Variants in EXT1 observed in about 807,000 individuals in gnomAD.
EXT1 encodes exostosin glycosyltransferase 1, also known as exostosin-1.
EXT1 carries 20 observed loss-of-function variants against 82.5 expected under a neutral mutation model. That is an observed-to-expected ratio of 0.24 (90% CI 0.17 to 0.35). The LOEUF is 0.35. Ranked by LOEUF, EXT1 falls within the 10% of genes least tolerant of loss-of-function variation. The pLI is 1.00. For synonymous variants in EXT1, 348 were observed against 350.8 expected (o/e 0.99, Z 0.09); for missense variants, 757 against 936.5 (o/e 0.81, Z 2.50).
At chr8:118,031,050 G>A (rs1474397054) in intron 1 of EXT1, among the ~76,000 whole-genome samples, 1 of 152,116 alleles carries the variant, frequency 6.6e-6, no homozygotes, top group African/African-American at 2.4e-5. Context: ...GGTCCCATGT[G>A]TACCCTAGTT....
At chr8:117,965,991 T>TACACACACACACACACACACACACAC (rs1176965487) in intron 1 of EXT1, among the ~76,000 whole-genome samples, 11 of 124,572 alleles carry the variant, frequency 8.8e-5, no homozygotes, top group African/African-American at 5.0e-4. Context: ...CATACATGCA[T>TACACACACACACACACACACACACAC]ATACACACAC....
chr8:117,936,099 G>T (rs1315475413), intron 1 of EXT1, among the ~76,000 whole-genome samples: 1 of 152,192 alleles, frequency 6.6e-6, no homozygotes, highest in African/African-American at 2.4e-5. Flanking sequence ...GTAGAATGGC[G>T]ATCTGACTTG....
rs989045352 is a variant in EXT1 at position 118,111,690 on chromosome 8, C to G, written c.-644G>C. On this transcript the variant is annotated 5_prime_UTR_variant, in exon 1 of 11. Coordinates refer to ENST00000378204, the MANE Select transcript of EXT1 (RefSeq NM_000127.3). ...CCGGCCCCCGGGACGCGCGGCGGCC[C>G]GGCTGGAGGCGGCGGCGGCGGCGGC... The G allele has an allele frequency of 1.4e-5, 3 of 217,976 alleles. No homozygotes were observed. Among genetic ancestry groups the G allele is most frequent in the Admixed American group, 1.2e-4 (2 of 16,558 alleles). 13.5% of individuals were successfully genotyped at this position (217,976 alleles called of 1,614,324 possible).
chr8:118,072,445 T>G (rs1032623579), intron 1 of EXT1, among the ~76,000 whole-genome samples: 1 of 152,228 alleles, frequency 6.6e-6, no homozygotes, highest in Non-Finnish European at 1.5e-5. Context: ...TGCCTTACAT[T>G]GTTGCCTAAT....
At chr8:117,963,693 T>C (rs1450950488) in intron 1 of EXT1, among the ~76,000 whole-genome samples, 1 of 152,090 alleles carries the variant, frequency 6.6e-6, no homozygotes, top group Non-Finnish European at 1.5e-5. Flanking sequence ...TTTCACCATG[T>C]TGGCAAGGCT....
At chr8:117,861,613 G>T (rs1425137595) in intron 1 of EXT1, among the ~76,000 whole-genome samples, 1 of 132,860 alleles carries the variant, frequency 7.5e-6, no homozygotes, top group African/African-American at 2.6e-5. Context: ...TTGCACCTCA[G>T]CCTCCTGAGT....
rs538199953 is a variant in EXT1 at position 117,837,163 on chromosome 8, C to A, written c.1001G>T (p.Cys334Phe). The A allele has an allele frequency of 1.2e-6, 2 of 1,614,028 alleles. No homozygotes were observed. Among genetic ancestry groups the A allele is most frequent in the Non-Finnish European group, 1.7e-6 (2 of 1,179,954 alleles). ...YREMLHNATF[C>F]LVPRGRRLGS... ...AAGCCTGCGACCACGAGGAACCAGA[C>A]AGAAAGTGGCATTGTGCAGCATTTC... Residue 334 changes from cysteine (C) to phenylalanine (F), a missense_variant, in exon 2 of 11, where the codon TGT becomes TTT. Transcript: ENST00000378204.
intron 1 of EXT1, among the ~76,000 whole-genome samples, chr8:117,841,337 A>T (rs750964960): frequency 1.0e-3 from 155 of 152,294 alleles, no homozygotes; most frequent in Non-Finnish European, 1.8e-3. Flanking sequence ...TCCTTTCTAT[A>T]TGACATTCAT....
chr8:117,941,195 A>C (rs1814265737), intron 1 of EXT1, among the ~76,000 whole-genome samples: 1 of 152,200 alleles, frequency 6.6e-6, no homozygotes, highest in Non-Finnish European at 1.5e-5. Flanking sequence ...CAGCAACCAA[A>C]GTAGGGAGAT....
intron 1 of EXT1, among the ~76,000 whole-genome samples, chr8:117,902,392 T>C (rs936097101): frequency 1.3e-5 from 2 of 152,238 alleles, no homozygotes; most frequent in East Asian, 1.9e-4. Flanking sequence ...GTATGTGCTA[T>C]ACTTTCATAA....
chr8:117,994,330 A>G (rs1418117570), intron 1 of EXT1, among the ~76,000 whole-genome samples: 1 of 152,200 alleles, frequency 6.6e-6, no homozygotes, highest in Non-Finnish European at 1.5e-5. Context: ...GACTTGGATC[A>G]GCTGGGCACA....
intron 1 of EXT1, among the ~76,000 whole-genome samples, chr8:117,972,406 TA>T (rs1383046138): frequency 1.3e-5 from 2 of 152,162 alleles, no homozygotes; most frequent in African/African-American, 4.8e-5. Context: ...AAGTGATAGA[TA>T]GACACAGGAA....
At chr8:118,037,831 T>G (rs1053041772) in intron 1 of EXT1, among the ~76,000 whole-genome samples, 3 of 147,576 alleles carry the variant, frequency 2.0e-5, no homozygotes, top group Admixed American at 6.6e-5. Flanking sequence ...ACAAGAGTGT[T>G]TTTTGTTTTT....
At chr8:117,960,677 CA>C (rs1814681046) in intron 1 of EXT1, among the ~76,000 whole-genome samples, 1 of 152,148 alleles carries the variant, frequency 6.6e-6, no homozygotes, top group Non-Finnish European at 1.5e-5. Context: ...AGTTTAATTA[CA>C]ATTTGGTTCT....
intron 1 of EXT1, among the ~76,000 whole-genome samples, chr8:117,949,648 A>C (rs917687313): frequency 6.6e-6 from 1 of 151,946 alleles, no homozygotes; most frequent in African/African-American, 2.4e-5. Context: ...TATTTCATAC[A>C]TAAGTAATAA....
chr8:117,895,475 C>T (rs1813318761), intron 1 of EXT1, among the ~76,000 whole-genome samples: 1 of 152,074 alleles, frequency 6.6e-6, no homozygotes, highest in Non-Finnish European at 1.5e-5. Flanking sequence ...CCACTCACAG[C>T]CAGAACCCTA....
Position 117,830,283 on chromosome 8 carries a change from A to G in EXT1, c.1231T>C (p.Leu411=), listed in dbSNP as rs1241419746. Residue 411 remains leucine, a synonymous_variant, in exon 4 of 11, where the codon TTG becomes CTG. Transcript: ENST00000378204. ...ACTGAAGAAAAATAAGCCTCCCACA[A>G]GAATTGTGTCTGCTGTCTAAGTGCT... ...ILALRQQTQF[L]WEAYFSSVEK... 1.7e-5 allele frequency: 27 copies of G among 1,614,008 alleles called. No individual in the cohort carries two copies. Among genetic ancestry groups the G allele is most frequent in the Non-Finnish European group, 2.3e-5 (27 of 1,180,014 alleles).
intron 1 of EXT1, among the ~76,000 whole-genome samples, chr8:117,935,004 T>G (rs1436188885): frequency 2.0e-5 from 3 of 152,200 alleles, no homozygotes; most frequent in Non-Finnish European, 4.4e-5. Flanking sequence ...AAAGAAAGCA[T>G]GTGAGCTTTC....
At chr8:118,109,522 G>A (rs1002061661) in intron 1 of EXT1, among the ~76,000 whole-genome samples, 1 of 152,092 alleles carries the variant, frequency 6.6e-6, no homozygotes, top group Admixed American at 6.5e-5. Context: ...AATGCCACGG[G>A]GGAGAGAGGA....
Sources: allele counts gnomAD v4.1 joint callset (sites outside exome capture counted in the v4.1 genomes callset), GRCh38; gene constraint gnomAD v4.1.1; transcripts MANE v1.5; gene names NCBI Gene and HGNC (gene_info 2026-07-23, HGNC 2026-07-21).